The following COLEC12 variants were observed in gnomAD, a reference collection of about 807,000 sequenced individuals.
COLEC12 encodes the protein collectin subfamily member 12.
Under a neutral mutation model 71.1 loss-of-function variants are expected in COLEC12, and 33 were observed. That is an observed-to-expected ratio of 0.46 (90% confidence interval 0.35 to 0.62). The LOEUF is 0.62. Among genes scored for constraint, COLEC12 ranks in the 20% least tolerant of loss-of-function variants. The pLI, the probability that COLEC12 is intolerant of heterozygous loss-of-function variation, is 0.00. For missense variants in COLEC12, 765 were observed against 916.1 expected, an observed-to-expected ratio of 0.84 and a Z score of 2.13; for synonymous variants, 350 against 353.0, an observed-to-expected ratio of 0.99 and a Z score of 0.10.
intron 8 of COLEC12, among the ~76,000 whole-genome samples, chr18:330,232 G>C (rs763160985): frequency 2.0e-4 from 30 of 152,144 alleles, no homozygotes; most frequent in Non-Finnish European, 3.5e-4. Context: ...TAAAAAACTC[G>C]ATCTGGCTTC....
intron 2 of COLEC12, among the ~76,000 whole-genome samples, chr18:373,194 T>A (rs1344761063): frequency 6.6e-6 from 1 of 152,206 alleles, no homozygotes; most frequent in Admixed American, 6.5e-5. Flanking sequence ...TGTGTCATAA[T>A]CTTATTGCTG....
chr18:480,949 T>C lies in COLEC12; in HGVS notation c.8-192A>G, dbSNP rs548565623. On this transcript the variant is annotated intron_variant, in intron 1 of 9. Coordinates refer to ENST00000400256, the MANE Select transcript of COLEC12 (RefSeq NM_130386.3). This position sits in a 1 kb window ranked among gnomAD's most constrained non-coding sequence, Gnocchi z 4.1. ...GCTGCTCCTGCTGCTTGGGATGCAC[T>C]TCCTCTGTTCCTAATGTGACTCCTT... 6.6e-6 allele frequency among the ~76,000 whole-genome samples: 1 copy of C among 152,254 alleles called. No homozygotes were observed. Among genetic ancestry groups the C allele is most frequent in the South Asian group, 2.1e-4 (1 of 4,820 alleles).
chr18:460,307 CTT>C (rs1346235073), intron 2 of COLEC12, among the ~76,000 whole-genome samples: 1 of 151,284 alleles, frequency 6.6e-6, no homozygotes, highest in Non-Finnish European at 1.5e-5. Flanking sequence ...GTTTTATGGA[CTT>C]TGTGTCACCT....
At chr18:469,223 CTGA>C (rs2143749980) in intron 2 of COLEC12, among the ~76,000 whole-genome samples, 1 of 152,354 alleles carries the variant, frequency 6.6e-6, no homozygotes, top group South Asian at 2.1e-4. Flanking sequence ...TTTGCCAGTA[CTGA>C]ACCTAGAACA....
At chr18:368,681 G>A (rs572388596) in intron 2 of COLEC12, among the ~76,000 whole-genome samples, 58 of 151,506 alleles carry the variant, frequency 3.8e-4, no homozygotes, top group South Asian at 1.5e-3. Context: ...TGGCTAACAT[G>A]GTGAAACCCC....
chr18:324,129 G>A (rs1372146035), intron 8 of COLEC12, among the ~76,000 whole-genome samples: 1 of 152,086 alleles, frequency 6.6e-6, no homozygotes, highest in African/African-American at 2.4e-5. Context: ...TATTCTGTGG[G>A]CTGACCACCC....
intron 2 of COLEC12, among the ~76,000 whole-genome samples, chr18:382,763 TTTCTC>T: frequency 6.7e-6 from 1 of 148,366 alleles, no homozygotes; most frequent in Non-Finnish European, 1.5e-5. Flanking sequence ...GCCTGCTTCT[TTTCTC>T]CTTTTTGCTG....
chr18:329,681 A>T (rs1913928413), intron 8 of COLEC12, among the ~76,000 whole-genome samples: 1 of 152,230 alleles, frequency 6.6e-6, no homozygotes, highest in African/African-American at 2.4e-5. Context: ...CCTGCAGCAG[A>T]TATCCACTTG....
rs1212720290 is a variant in COLEC12, at chr18:408,904, C to T, written c.59-51382G>A. On this transcript the variant is annotated intron_variant, in intron 2 of 9. Transcript: ENST00000400256. The surrounding 1 kb of genome is among the most constrained non-coding windows in gnomAD (Gnocchi z 4.3). The stretch of plus-strand genomic sequence containing the variant: ...CTGGAGGGCAGTGGCACGATCTTGA[C>T]TCACTGCAACCTCCACCTCTGGGGT... 6.6e-6 allele frequency among the ~76,000 whole-genome samples: 1 copy of T among 152,174 alleles called. No individual in the cohort carries two copies. The highest frequency in any genetic ancestry group is 1.9e-4 in the East Asian group (1 of 5,188).
chr18:494,403 T>C (rs937154615), intron 1 of COLEC12, among the ~76,000 whole-genome samples: 1 of 151,676 alleles, frequency 6.6e-6, no homozygotes, highest in South Asian at 2.1e-4. Context: ...TGAGTTCCTA[T>C]TACATACTAG....
intron 8 of COLEC12, among the ~76,000 whole-genome samples, chr18:330,659 C>T (rs537419292): frequency 3.9e-5 from 6 of 152,186 alleles, no homozygotes; most frequent in African/African-American, 1.2e-4. Flanking sequence ...AAGGAGCTAA[C>T]ACCCCCTAGG....
chr18:472,683 A>C (rs1418001569), intron 2 of COLEC12, among the ~76,000 whole-genome samples: 1 of 40,016 alleles, frequency 2.5e-5, no homozygotes, highest in Non-Finnish European at 6.0e-5. Context: ...TGTGACAAAA[A>C]AAAAAAAAAA....
chr18:412,915 A>G (rs910107628), intron 2 of COLEC12, among the ~76,000 whole-genome samples: 1 of 152,240 alleles, frequency 6.6e-6, no homozygotes, highest in Non-Finnish European at 1.5e-5. Flanking sequence ...GCTATAAAAA[A>G]CAGGTAACAA....
At position 348,976 on chromosome 18, in the gene COLEC12, T is replaced by C. The variant is rs535292618; in HGVS notation, c.182-813A>G. 1.2e-4 allele frequency among the ~76,000 whole-genome samples: 18 copies of C among 152,280 alleles called. No individual in the cohort carries two copies. In the South Asian group the frequency reaches 1.5e-3, roughly 12 times the overall value. ...GATAATTTGAATAATGGGGGTGGTT[T>C]CCCCTATACTGTTCTGGTGGTAGTG... On this transcript the variant is annotated intron_variant, in intron 3 of 9. Transcript: ENST00000400256.
chr18:368,838 C>T (rs1914927986), intron 2 of COLEC12, among the ~76,000 whole-genome samples: 1 of 152,146 alleles, frequency 6.6e-6, no homozygotes, highest in Admixed American at 6.5e-5. Context: ...TGCACTCCAG[C>T]CTGGGCAACA....
intron 2 of COLEC12, among the ~76,000 whole-genome samples, chr18:380,155 T>C (rs1386811988): frequency 1.3e-5 from 2 of 152,208 alleles, no homozygotes; most frequent in South Asian, 2.1e-4. Flanking sequence ...ATTCATAGCA[T>C]GGCATATGAG....
chr18:388,321 G>A (rs1915389716), intron 2 of COLEC12, among the ~76,000 whole-genome samples: 1 of 152,118 alleles, frequency 6.6e-6, no homozygotes, highest in African/African-American at 2.4e-5. Flanking sequence ...ATTTGAAATA[G>A]AGGCCTAGAT....
At chr18:361,974 T>A (rs767061816) in intron 2 of COLEC12, among the ~76,000 whole-genome samples, 16 of 152,190 alleles carry the variant, frequency 1.1e-4, no homozygotes, top group Non-Finnish European at 2.1e-4. Context: ...TGACACAATC[T>A]GGGAGCTAGA....
intron 3 of COLEC12, among the ~76,000 whole-genome samples, chr18:348,953 T>C (rs367611774): frequency 6.6e-6 from 1 of 152,200 alleles, no homozygotes; most frequent in African/African-American, 2.4e-5. Context: ...TGGTGGGAGA[T>C]AATTTGAATA....
Sources: allele counts gnomAD v4.1 joint callset (sites outside exome capture counted in the v4.1 genomes callset), GRCh38; gene constraint gnomAD v4.1.1; non-coding constraint Gnocchi (gnomAD v3.1); transcripts MANE v1.5; gene names NCBI Gene and HGNC (gene_info 2026-07-23, HGNC 2026-07-21).